PRDM5: variants seen among roughly 807,000 people sequenced by gnomAD.
PRDM5 encodes PR domain zinc finger protein 5.
PRDM5 carries 56 observed loss-of-function variants against 81.2 expected under a neutral mutation model. That is an observed-to-expected ratio of 0.69 (90% CI 0.56 to 0.86). The LOEUF (loss-of-function observed/expected upper bound fraction) is 0.86, where lower values mean the gene tolerates loss of function less well. Ranked by LOEUF, PRDM5 falls within the 40% of genes least tolerant of loss-of-function variation. The pLI is 0.00. For synonymous variants in PRDM5, 267 were observed against 256.4 expected (o/e 1.04, Z -0.39); for missense variants, 697 against 770.1 (o/e 0.91, Z 1.12).
intron 2 of PRDM5, among the ~76,000 whole-genome samples, chr4:120,855,933 A>G (rs964486822): frequency 4.6e-5 from 7 of 152,238 alleles, no homozygotes; most frequent in African/African-American, 1.7e-4. Context: ...ACTCAGTAGT[A>G]AGCACAATAT....
intron 13 of PRDM5, among the ~76,000 whole-genome samples, chr4:120,756,278 T>A (rs1164959451): frequency 6.6e-6 from 1 of 152,188 alleles, no homozygotes; most frequent in Non-Finnish European, 1.5e-5. Context: ...CACAAACAGC[T>A]TAAATCAGTG....
intron 14 of PRDM5, among the ~76,000 whole-genome samples, chr4:120,730,812 A>G (rs747525221): frequency 1.3e-5 from 2 of 152,218 alleles, no homozygotes; most frequent in Non-Finnish European, 2.9e-5. Context: ...TATTTTAGCT[A>G]AATCTGCAAT....
At chr4:120,714,877 G>A (rs541403336) in intron 14 of PRDM5, among the ~76,000 whole-genome samples, 248 of 152,294 alleles carry the variant, frequency 1.6e-3, no homozygotes, top group African/African-American at 5.6e-3. Context: ...TGGTGAGGCA[G>A]ATATTGTAAG....
chr4:120,811,767 T>C (rs78949918), intron 7 of PRDM5, among the ~76,000 whole-genome samples: 1,557 of 152,178 alleles, frequency 0.01, 31 homozygotes, highest in African/African-American at 0.035. Context: ...ATAATAGGTG[T>C]TATGTATTTT....
rs144066824 is a variant in PRDM5 at position 120,900,278 on chromosome 4, G to A, written c.177+7196C>T. Reference sequence around the variant, plus strand: ...AAAGTTCCAACCCTCTAATCACCACGTGGTTGCTTCCCCTGGCAAACAGTC... The same window carrying A: ...AAAGTTCCAACCCTCTAATCACCACATGGTTGCTTCCCCTGGCAAACAGTC... On this transcript the variant is annotated intron_variant, in intron 2 of 15. Transcript: ENST00000264808. 4.0e-3 allele frequency among the ~76,000 whole-genome samples: 603 copies of A among 152,196 alleles called. 8 individuals are homozygous for A. The highest frequency in any genetic ancestry group is 0.032 in the Admixed American group (483 of 15,292).
At chr4:120,831,534 A>G (rs1033010914) in intron 3 of PRDM5, among the ~76,000 whole-genome samples, 1 of 152,144 alleles carries the variant, frequency 6.6e-6, no homozygotes, top group East Asian at 1.9e-4. Flanking sequence ...AATTGTTTCT[A>G]AGAAAATCAA....
chr4:120,904,028 A>G (rs918342473), intron 2 of PRDM5, among the ~76,000 whole-genome samples: 1 of 151,720 alleles, frequency 6.6e-6, no homozygotes, highest in Non-Finnish European at 1.5e-5. Context: ...CGTCTCTACT[A>G]AAAATACAAA....
intron 2 of PRDM5, among the ~76,000 whole-genome samples, chr4:120,863,189 T>TACACACACACACACACACAC (rs1232966826): frequency 2.7e-5 from 1 of 37,350 alleles, no homozygotes; most frequent in Non-Finnish European, 7.1e-5. Flanking sequence ...TATATATATA[T>TACACACACACACACACACAC]ATACACACAC....
intron 4 of PRDM5, among the ~76,000 whole-genome samples, chr4:120,819,130 C>T (rs1561372125): frequency 6.6e-6 from 1 of 152,124 alleles, no homozygotes; most frequent in Non-Finnish European, 1.5e-5. Context: ...CCAATAATCC[C>T]ATCAGGAAGA....
intron 14 of PRDM5, among the ~76,000 whole-genome samples, chr4:120,752,703 A>T (rs1175434386): frequency 6.6e-6 from 1 of 152,160 alleles, no homozygotes; most frequent in Non-Finnish European, 1.5e-5. Context: ...TAGGCAAAAA[A>T]ATGCAAATGG....
At chr4:120,916,443 A>G (rs1724180112) in intron 1 of PRDM5, among the ~76,000 whole-genome samples, 1 of 152,080 alleles carries the variant, frequency 6.6e-6, no homozygotes, top group African/African-American at 2.4e-5. Flanking sequence ...GTAATGGTAA[A>G]AAGTAGAGGT....
At chr4:120,791,761 C>T (rs764807687) in intron 10 of PRDM5, among the ~76,000 whole-genome samples, 2 of 152,172 alleles carry the variant, frequency 1.3e-5, no homozygotes, top group Non-Finnish European at 2.9e-5. Flanking sequence ...GCGTCTTAAC[C>T]CCCAATGTGA....
At chr4:120,727,954 A>G (rs79033377) in intron 14 of PRDM5, among the ~76,000 whole-genome samples, 8 of 150,890 alleles carry the variant, frequency 5.3e-5, no homozygotes, top group South Asian at 4.2e-4. Flanking sequence ...AAAAAAAAAA[A>G]AGAGAGAGAG....
intron 3 of PRDM5, among the ~76,000 whole-genome samples, chr4:120,831,672 A>C (rs929069525): frequency 7.0e-6 from 1 of 143,818 alleles, no homozygotes; most frequent in Non-Finnish European, 1.5e-5. Context: ...GCTTTGCAAG[A>C]GTCTACTTAT....
chr4:120,695,102 C>T lies in PRDM5; in HGVS notation c.*9G>A, dbSNP rs1734362886. ...CCTTCTGAATAGTTTAATTCCTTTACAGCCCCTATTAGCTGTCAGCTACAC... is the reference window on the plus strand; with the variant it reads ...CCTTCTGAATAGTTTAATTCCTTTATAGCCCCTATTAGCTGTCAGCTACAC... On this transcript the variant is annotated 3_prime_UTR_variant, in exon 16 of 16. Transcript: ENST00000264808. 4.3e-6 allele frequency: 7 copies of T among 1,610,348 alleles called. No homozygotes were observed. In the South Asian group the frequency reaches 5.5e-5, roughly 13 times the overall value.
At chr4:120,750,229 G>C (rs1743785753) in intron 14 of PRDM5, among the ~76,000 whole-genome samples, 1 of 152,212 alleles carries the variant, frequency 6.6e-6, no homozygotes, top group African/African-American at 2.4e-5. Flanking sequence ...CACTAGGGTA[G>C]AGGCAGAAAT....
downstream of PRDM5, among the ~76,000 whole-genome samples, chr4:120,690,087 G>C (rs1733979737): frequency 6.6e-6 from 1 of 152,066 alleles, no homozygotes; most frequent in Non-Finnish European, 1.5e-5. Context: ...TTAACATTTA[G>C]TTTCCAACCA....
intron 2 of PRDM5, among the ~76,000 whole-genome samples, chr4:120,858,375 T>C (rs1760127798): frequency 2.0e-5 from 3 of 151,670 alleles, no homozygotes; most frequent in East Asian, 2.0e-4. Flanking sequence ...TGTGCTCAAG[T>C]AGTCAATTCT....
At chr4:120,790,266 T>C (rs1335111986) in intron 10 of PRDM5, among the ~76,000 whole-genome samples, 2 of 152,294 alleles carry the variant, frequency 1.3e-5, no homozygotes, top group Admixed American at 6.5e-5. Context: ...GCTGAACAAG[T>C]GTATTCTCTC....
Sources: allele counts gnomAD v4.1 joint callset (sites outside exome capture counted in the v4.1 genomes callset), GRCh38; gene constraint gnomAD v4.1.1; transcripts MANE v1.5; gene names NCBI Gene and HGNC (gene_info 2026-07-23, HGNC 2026-07-21).